TNFRSF8: variants seen among roughly 807,000 people sequenced by gnomAD.
The protein encoded by TNFRSF8 is tumor necrosis factor receptor superfamily member 8.
A neutral mutation model predicts 70.8 loss-of-function variants in TNFRSF8; 26 were observed. The ratio of observed to expected loss-of-function variants is 0.37; its 90% CI spans 0.27 to 0.51. TNFRSF8 has a LOEUF of 0.51. TNFRSF8 is among the 20% of genes least tolerant of loss of function. The pLI is 0.94. For missense variants in TNFRSF8, 720 were observed against 807.9 expected (o/e 0.89, Z 1.32); for synonymous variants, 356 against 339.2 (o/e 1.05, Z -0.54).
At chr1:12,111,332 C>T (rs1641626150) in intron 6 of TNFRSF8, among the ~76,000 whole-genome samples, 1 of 152,096 alleles carries the variant, frequency 6.6e-6, no homozygotes, top group Non-Finnish European at 1.5e-5. Flanking sequence ...CAGGCGCCTG[C>T]CACCACATTT....
intron 8 of TNFRSF8, 84 bp from the exon 9 acceptor site, chr1:12,123,200 G>C (rs936421449): frequency 3.3e-6 from 4 of 1,205,638 alleles, no homozygotes; most frequent in Non-Finnish European, 4.7e-6. Flanking sequence ...CTCGCTGGAA[G>C]CCACCAGTCC....
At chr1:12,090,720 C>T (rs1415880924) in intron 2 of TNFRSF8, among the ~76,000 whole-genome samples, 1 of 152,160 alleles carries the variant, frequency 6.6e-6, no homozygotes, top group African/African-American at 2.4e-5. Flanking sequence ...ATCTTGCCCT[C>T]ACAAACTCAA....
In TNFRSF8 at chr1:12,064,759, G is replaced by A. The variant is rs1640708307; in HGVS notation, c.63+1098G>A. Among the ~76,000 whole-genome samples the A allele has an allele frequency of 2.6e-5, 4 of 152,190 alleles. No individual in the cohort carries two copies. In the South Asian group the frequency reaches 8.3e-4, roughly 32 times the overall value. ...CTTCCATTTCCAATGGGCAATGTGA[G>A]GTATTCCCCCTTTCCCCCCAAGAGG... On this transcript the variant is annotated intron_variant, in intron 1 of 14. Coordinates refer to ENST00000263932, the MANE Select transcript of TNFRSF8 (RefSeq NM_001243.5).
intron 8 of TNFRSF8, among the ~76,000 whole-genome samples, chr1:12,118,307 C>T (rs932020873): frequency 1.3e-5 from 2 of 151,968 alleles, no homozygotes; most frequent in African/African-American, 4.8e-5. Context: ...GACGGGGTTT[C>T]ACCACATTGG....
chr1:12,136,870 C>CTTTTTTTTTT (rs201470263), intron 13 of TNFRSF8, among the ~76,000 whole-genome samples: 12 of 118,692 alleles, frequency 1.0e-4, no homozygotes, highest in South Asian at 2.7e-4. Flanking sequence ...ATACTCAGTT[C>CTTTTTTTTTT]TTTTTTTTTT....
chr1:12,123,221 A>G (rs1038726435), intron 8 of TNFRSF8, 63 bp from the exon 9 acceptor site: 17 of 1,444,522 alleles, frequency 1.2e-5, no homozygotes, highest in Non-Finnish European at 1.6e-5. Context: ...CTGCTGGTTA[A>G]CTCTTTCCTG....
At chr1:12,132,518 C>A (rs1249277467) in intron 12 of TNFRSF8, among the ~76,000 whole-genome samples, 1 of 152,138 alleles carries the variant, frequency 6.6e-6, no homozygotes, top group Non-Finnish European at 1.5e-5. Flanking sequence ...GGAAGAAGAC[C>A]ACAGAGGTGA....
At position 12,108,403 on chromosome 1, in the gene TNFRSF8, G is replaced by A. The variant is rs1342984283; in HGVS notation, c.422-1163G>A. On this transcript the variant is annotated intron_variant, in intron 4 of 14. Transcript: ENST00000263932. This position sits in a 1 kb window ranked among gnomAD's most constrained non-coding sequence, Gnocchi z 4.0. ...ACATACGGGTCACCTTCTAAGTGTT[G>A]GGATGGGAGTCCAGATGGGTGTAAG... 2.0e-5 allele frequency among the ~76,000 whole-genome samples: 3 copies of A among 152,088 alleles called. No homozygotes were observed. Among genetic ancestry groups the A allele is most frequent in the African/African-American group, 7.2e-5 (3 of 41,404 alleles).
chr1:12,126,168 C>T lies in TNFRSF8; in HGVS notation c.1256-15C>T, dbSNP rs984718762. The T allele has an allele frequency of 4.3e-6, 7 of 1,614,180 alleles. 1 individual carries two copies. The highest frequency in any genetic ancestry group is 8.5e-7 in the Non-Finnish European group (1 of 1,180,020). ...GAGGCCGCCACCCCCAGCCTTCCTC[C>T]TGGTGTCGTTTCAGAGCTCCACCTG... On this transcript the variant is annotated splice_polypyrimidine_tract_variant and intron_variant, in intron 11 of 14. Transcript: ENST00000263932.
chr1:12,066,814 A>G (rs896636592), intron 1 of TNFRSF8, among the ~76,000 whole-genome samples: 1 of 143,878 alleles, frequency 7.0e-6, no homozygotes, highest in African/African-American at 2.6e-5. Flanking sequence ...CACCTCACCC[A>G]GCTAATTTTT....
chr1:12,122,335 G>A (rs941248981), intron 8 of TNFRSF8, among the ~76,000 whole-genome samples: 1 of 151,772 alleles, frequency 6.6e-6, no homozygotes, highest in Non-Finnish European at 1.5e-5. Context: ...CCTGCCAGGG[G>A]ATACTTTCTT....
At chr1:12,103,626 T>G (rs145564898) in intron 3 of TNFRSF8, among the ~76,000 whole-genome samples, 8,721 of 152,036 alleles carry the variant, frequency 0.057, 341 homozygotes, top group Non-Finnish European at 0.08. Context: ...TGTGCTACCA[T>G]GCCTGGCTAA....
intron 1 of TNFRSF8, among the ~76,000 whole-genome samples, chr1:12,080,865 A>AT (rs1359214917): frequency 6.6e-6 from 1 of 151,960 alleles, no homozygotes; most frequent in East Asian, 1.9e-4. Context: ...CGGCCCTGGG[A>AT]TTTTTTTATT....
intron 2 of TNFRSF8, among the ~76,000 whole-genome samples, chr1:12,085,867 G>A (rs953495056): frequency 1.3e-5 from 2 of 152,220 alleles, no homozygotes; most frequent in Non-Finnish European, 2.9e-5. Context: ...TAGATGGGCG[G>A]GGCAGGACAT....
intron 11 of TNFRSF8, 25 bp from the exon 12 acceptor site, chr1:12,126,158 A>C: frequency 6.2e-7 from 1 of 1,613,866 alleles, no homozygotes. Flanking sequence ...CGCCACCCCC[A>C]GCCTTCCTCC....
chr1:12,133,826 G>A (rs1484563297), intron 12 of TNFRSF8, among the ~76,000 whole-genome samples: 1 of 151,864 alleles, frequency 6.6e-6, no homozygotes, highest in Non-Finnish European at 1.5e-5. Context: ...GCCGAGGCGG[G>A]CAGATCACCT....
At chr1:12,123,857 C>T in intron 10 of TNFRSF8, 30 bp downstream of exon 10, 2 of 1,517,738 alleles carry the variant, frequency 1.3e-6, no homozygotes, top group Non-Finnish European at 1.8e-6. Context: ...CACCCCTACT[C>T]CCAGCAGGGG....
At chr1:12,118,373 A>C (rs940128135) in intron 8 of TNFRSF8, among the ~76,000 whole-genome samples, 4 of 151,968 alleles carry the variant, frequency 2.6e-5, no homozygotes, top group Non-Finnish European at 5.9e-5. Flanking sequence ...AGCCTCCCAA[A>C]GTGCTGGGAT....
At chr1:12,127,837 T>C (rs1641969243) in intron 12 of TNFRSF8, among the ~76,000 whole-genome samples, 1 of 152,134 alleles carries the variant, frequency 6.6e-6, no homozygotes. Context: ...GCAGTTTTGT[T>C]ACAGAAGAAA....
Sources: allele counts gnomAD v4.1 joint callset (sites outside exome capture counted in the v4.1 genomes callset), GRCh38; gene constraint gnomAD v4.1.1; non-coding constraint Gnocchi (gnomAD v3.1); transcripts MANE v1.5; gene names NCBI Gene and HGNC (gene_info 2026-07-23, HGNC 2026-07-21).